PRKCD: variants seen among roughly 807,000 people sequenced by gnomAD.
PRKCD encodes protein kinase C delta.
A neutral mutation model predicts 82.2 loss-of-function variants in PRKCD; 20 were observed. The observed-to-expected ratio is 0.24, with a 90% CI of 0.17 to 0.35. The LOEUF (loss-of-function observed/expected upper bound fraction) is 0.35. Ranked by LOEUF, PRKCD falls within the 10% of genes least tolerant of loss-of-function variation. The pLI is 1.00. For synonymous variants in PRKCD, 317 were observed against 337.0 expected, an observed-to-expected ratio of 0.94 and a Z score of 0.65; for missense variants, 607 against 899.0, an observed-to-expected ratio of 0.68 and a Z score of 4.15.
rs781855123 is a variant in PRKCD, at chr3:53,179,701, A to G, written c.240A>G (p.Pro80=). ...TGCTAATGCGGGCAGCAGAGGAGCC[A>G]GTGTCTGAGGTGACCGTGGGTGTGT... ...QIVLMRAAEE[P]VSEVTVGVSV... is the part of the protein sequence containing the mutation. Residue 80 remains proline, a synonymous_variant, in exon 4 of 19, where the codon CCA becomes CCG. Coordinates refer to ENST00000330452, the MANE Select transcript of PRKCD (RefSeq NM_006254.4). The G allele has an allele frequency of 1.2e-5, 19 of 1,609,370 alleles. No homozygotes were observed. The East Asian group carries it at 3.8e-4, about 32-fold the overall frequency.
At chr3:53,190,670 T>C (rs1703895226) in intron 18 of PRKCD, among the ~76,000 whole-genome samples, 1 of 152,180 alleles carries the variant, frequency 6.6e-6, no homozygotes, top group Non-Finnish European at 1.5e-5. Context: ...ACTAAGAAAT[T>C]TGGGGCTGTG....
chr3:53,183,222 G>C lies in PRKCD; in HGVS notation c.657+16G>C. 1 of 1,612,854 alleles carries C rather than the reference G, an allele frequency of 6.2e-7. No homozygotes were observed. The highest frequency in any genetic ancestry group is 8.5e-7 in the Non-Finnish European group (1 of 1,179,166). Reference sequence around the variant, plus strand: ...GGACACTATAGTGAGCCTGGGTCCGGGGCAGGGCTGGGGATCTGGGGGGCT... The same window carrying C: ...GGACACTATAGTGAGCCTGGGTCCGCGGCAGGGCTGGGGATCTGGGGGGCT... On this transcript the variant is annotated intron_variant, in intron 8 of 18. Transcript: ENST00000330452.
intron 4 of PRKCD, 106 bp downstream of exon 4, chr3:53,179,882 C>T: frequency 7.2e-7 from 1 of 1,394,388 alleles, no homozygotes; most frequent in South Asian, 1.3e-5. Context: ...TCAGTGAGCA[C>T]AGCTGAAGAG....
chr3:53,167,319 G>C (rs1037853844), intron 2 of PRKCD, among the ~76,000 whole-genome samples: 3 of 152,220 alleles, frequency 2.0e-5, no homozygotes, highest in Admixed American at 2.0e-4. Flanking sequence ...CCTTTTTGGG[G>C]GGCTCTAGGA....
At chr3:53,176,782 G>C (rs1703227008) in intron 2 of PRKCD, among the ~76,000 whole-genome samples, 1 of 152,224 alleles carries the variant, frequency 6.6e-6, no homozygotes, top group African/African-American at 2.4e-5. Context: ...GAATCTGCAA[G>C]GCACATTCAG....
rs1483539200 is a variant in PRKCD at position 53,192,089 on chromosome 3, C to T, written c.1873-19C>T. ...CATTCCCTAGGTCCTGTTCGCTCAC[C>T]CCTGCCCTCTGCTTGTAGAAGTCAC... On this transcript the variant is annotated intron_variant, in intron 18 of 18. Transcript: ENST00000330452. The T allele has an allele frequency of 2.5e-6, 4 of 1,613,722 alleles. No homozygotes were observed. The highest frequency in any genetic ancestry group is 1.3e-5 in the African/African-American group (1 of 74,860).
intron 16 of PRKCD, 32 bp downstream of exon 16, chr3:53,188,890 G>C: frequency 1.9e-6 from 3 of 1,610,790 alleles, no homozygotes; most frequent in Non-Finnish European, 2.5e-6. Flanking sequence ...CCCCCGCTCA[G>C]TCAGGCACCT....
intron 2 of PRKCD, among the ~76,000 whole-genome samples, chr3:53,175,254 C>T (rs545770431): frequency 1.3e-5 from 2 of 152,116 alleles, no homozygotes; most frequent in East Asian, 3.9e-4. Context: ...GACTGTCTTC[C>T]CAGGCTGCTG....
rs782351257 is a variant in PRKCD at position 53,183,090 on chromosome 3, C to A, written c.572-31C>A. ...GACTCTGCCCCTCCCGGTGCTTTCC[C>A]TTCCCCCTCCTGGGCCTGTGCCTCT... On this transcript the variant is annotated intron_variant, in intron 7 of 18. Transcript: ENST00000330452. 4 of 1,611,604 alleles carry A rather than the reference C, an allele frequency of 2.5e-6. No homozygotes were observed. In the East Asian group the frequency reaches 8.9e-5, roughly 36 times the overall value.
At chr3:53,165,414 G>C (rs1553663695) in intron 2 of PRKCD, among the ~76,000 whole-genome samples, 199 bp downstream of exon 2, 1 of 152,246 alleles carries the variant, frequency 6.6e-6, no homozygotes, top group Non-Finnish European at 1.5e-5. Context: ...GGAACTTCCT[G>C]CCTAACCTGG....
intron 2 of PRKCD, among the ~76,000 whole-genome samples, chr3:53,166,443 C>A (rs782410357): frequency 6.6e-6 from 1 of 152,214 alleles, no homozygotes; most frequent in South Asian, 2.1e-4. Context: ...CAGACATATG[C>A]GTGCTCACAC....
At chr3:53,173,359 G>A (rs1703104087) in intron 2 of PRKCD, among the ~76,000 whole-genome samples, 2 of 152,210 alleles carry the variant, frequency 1.3e-5, no homozygotes, top group Admixed American at 6.5e-5. Context: ...GAGGTGACCT[G>A]CCTTCTCTGG....
chr3:53,178,627 C>T lies in PRKCD; in HGVS notation c.115+90C>T. 3 of 1,087,022 alleles carry T rather than the reference C, an allele frequency of 2.8e-6. No individual in the cohort carries two copies. In the South Asian group the frequency reaches 4.6e-5, roughly 17 times the overall value. The allele number at this position is 1,087,022 out of a possible 1,614,324, so 67.3% of individuals were successfully genotyped here. A position where few individuals can be genotyped will look rare whatever the true frequency, so the allele number is the denominator to read the frequency against. The stretch of plus-strand genomic sequence containing the variant: ...GGGGCCTGGCCTTGTTCCCTGCAAC[C>T]TCTGAAGGATTCTGCTCTTCCTCAT... On this transcript the variant is annotated intron_variant, in intron 3 of 18. Coordinates refer to ENST00000330452, the MANE Select transcript of PRKCD (RefSeq NM_006254.4).
intron 4 of PRKCD, among the ~76,000 whole-genome samples, 196 bp downstream of exon 4, chr3:53,179,972 A>T (rs1422930995): frequency 1.3e-5 from 2 of 152,204 alleles, no homozygotes; most frequent in Non-Finnish European, 2.9e-5. Flanking sequence ...GCAATTCACC[A>T]GATTCCCAGC....
rs3830265 is a variant in PRKCD, at chr3:53,186,747, GCTCAGAGC to G, written c.1352+54_1352+61del. 548,262 of 1,517,398 alleles carry G rather than the reference GCTCAGAGC, an allele frequency of 0.36. 100,581 individuals carry two copies. The highest frequency in any genetic ancestry group is 0.41 in the Middle Eastern group (2,397 of 5,782). The allele number at this position is 1,517,398 out of a possible 1,614,324, so 94.0% of individuals were successfully genotyped here. ...GCCCAGTGTGGAGGAAGGGCTACTGGCTCAGAGCCCACTTCCAGTCTGCCCTCCATGCC... is the reference window on the plus strand; with the variant it reads ...GCCCAGTGTGGAGGAAGGGCTACTGGCCACTTCCAGTCTGCCCTCCATGCC... On this transcript the variant is annotated intron_variant, in intron 14 of 18. Coordinates refer to ENST00000330452, the MANE Select transcript of PRKCD (RefSeq NM_006254.4).
At chr3:53,182,545 AGGCGTGAGCCATCGTGCCT>A (rs1553667919) in intron 7 of PRKCD, among the ~76,000 whole-genome samples, 1 of 152,234 alleles carries the variant, frequency 6.6e-6, no homozygotes, top group East Asian at 1.9e-4. Context: ...CTGGGATTAT[AGGCGTGAGCCATCGTGCCT>A]GGCCCTCATC....
chr3:53,184,675 CA>C (rs535517121), intron 9 of PRKCD, among the ~76,000 whole-genome samples, 198 bp from the exon 10 acceptor site: 101 of 116,772 alleles, frequency 8.6e-4, no homozygotes, highest in Middle Eastern at 8.5e-3. Flanking sequence ...AACTCCATCT[CA>C]AAAAAAAAAA....
At chr3:53,173,967 T>G (rs1475380511) in intron 2 of PRKCD, among the ~76,000 whole-genome samples, 2 of 152,184 alleles carry the variant, frequency 1.3e-5, no homozygotes, top group Admixed American at 1.3e-4. Context: ...TTCTCTCTCT[T>G]TGTCTCTTCT....
chr3:53,185,958 G>C lies in PRKCD; in HGVS notation c.1017G>C (p.Glu339Asp). The C allele has an allele frequency of 6.2e-7, 1 of 1,614,236 alleles. No individual in the cohort carries two copies. The highest frequency in any genetic ancestry group is 8.5e-7 in the Non-Finnish European group (1 of 1,180,036). ...DNSGTYGKIW[E>D]GSSKCNINNF... ...GTGGGACCTACGGCAAGATCTGGGA[G>C]GGCAGCAGCAAGTGCAACATCAACA... The change falls in exon 12 of 19, where the codon GAG (glutamate) becomes GAC (aspartate). Residue 339 changes from glutamate to aspartate, a missense_variant. Glu to Asp is a conservative substitution (Grantham distance 45). This residue lies in a region of PRKCD where 85 missense variants were observed against 76.1 expected (regional missense o/e 1.12). Transcript: ENST00000330452.
Sources: allele counts gnomAD v4.1 joint callset (sites outside exome capture counted in the v4.1 genomes callset), GRCh38; gene constraint gnomAD v4.1.1; regional missense constraint gnomAD v4.1.1; transcripts MANE v1.5; gene names NCBI Gene and HGNC (gene_info 2026-07-23, HGNC 2026-07-21).